The following ZNF516 variants were observed in gnomAD, a reference collection of about 807,000 sequenced individuals.
The protein encoded by ZNF516 is zinc finger protein 516.
A neutral mutation model predicts 79.7 loss-of-function variants in ZNF516; 19 were observed. That is an observed-to-expected ratio of 0.24 (90% CI 0.17 to 0.35). ZNF516 has a LOEUF of 0.35. Ranked by LOEUF, ZNF516 falls within the 10% of genes least tolerant of loss-of-function variation. The pLI, the probability that ZNF516 is intolerant of heterozygous loss-of-function variation, is 1.00. For missense variants in ZNF516, 1,678 were observed against 1,679.5 expected (o/e 1.00, Z 0.02); for synonymous variants, 877 against 739.5 (o/e 1.19, Z -3.02).
chr18:76,417,084 A>G (rs957076592), intron 3 of ZNF516, among the ~76,000 whole-genome samples: 2 of 152,234 alleles, frequency 1.3e-5, no homozygotes, highest in Non-Finnish European at 2.9e-5. Context: ...GCTTGCAACC[A>G]TTTGATGGTT....
At chr18:76,457,076 C>T (rs899080111) in intron 2 of ZNF516, among the ~76,000 whole-genome samples, 1 of 152,208 alleles carries the variant, frequency 6.6e-6, no homozygotes, top group Admixed American at 6.5e-5. Context: ...GGTTATGCAG[C>T]CTGCCAGTAA....
At chr18:76,427,320 A>T (rs563681557) in intron 3 of ZNF516, among the ~76,000 whole-genome samples, 33 of 152,352 alleles carry the variant, frequency 2.2e-4, no homozygotes, top group African/African-American at 7.7e-4. Context: ...CTGGAGGTTT[A>T]TATGAAATAC....
At chr18:76,420,176 C>T (rs780861246) in intron 3 of ZNF516, among the ~76,000 whole-genome samples, 4 of 152,212 alleles carry the variant, frequency 2.6e-5, no homozygotes, top group African/African-American at 4.8e-5. Flanking sequence ...AGCTTAAGAT[C>T]TAAGTCAGCT....
At position 76,379,511 on chromosome 18, in the gene ZNF516, T is replaced by C. The variant is rs959594851; in HGVS notation, c.2603A>G (p.Glu868Gly). 6.2e-7 allele frequency: 1 copy of C among 1,613,758 alleles called. No homozygotes were observed. The highest frequency in any genetic ancestry group is 8.5e-7 in the Non-Finnish European group (1 of 1,179,884). ...AGCGCAGGGACCTCCGGAATGGCTC[T>C]CCTTATTCTTAGGCATGCTAGCGGC... ...TKAASMPKNK[E>G]SHSGGPCALW... The change falls in exon 4 of 7, where the codon GAG becomes GGG. Residue 868 changes from glutamate (E) to glycine (G), a missense_variant. This residue lies in a region of ZNF516 where 1,294 missense variants were observed against 1,248.3 expected (regional missense o/e 1.04). Coordinates refer to ENST00000443185, the MANE Select transcript of ZNF516 (RefSeq NM_014643.4).
intron 3 of ZNF516, among the ~76,000 whole-genome samples, chr18:76,414,120 T>C (rs2075404618): frequency 6.6e-6 from 1 of 152,244 alleles, no homozygotes; most frequent in South Asian, 2.1e-4. Context: ...GACTAACATG[T>C]ACATATATAG....
chr18:76,367,954 C>T (rs2074642742), intron 6 of ZNF516, among the ~76,000 whole-genome samples: 2 of 152,082 alleles, frequency 1.3e-5, no homozygotes, highest in Non-Finnish European at 2.9e-5. Context: ...CATGAATACA[C>T]GGTGTTGCAT....
intron 1 of ZNF516, chr18:76,491,120 G>T (rs1915160312): frequency 3.1e-6 from 3 of 981,052 alleles, no homozygotes; most frequent in Non-Finnish European, 2.4e-6. Context: ...CCCCACCTCC[G>T]CCAGAACAAA....
At chr18:76,490,844 G>A (rs1331337163) in intron 1 of ZNF516, 4 of 985,498 alleles carry the variant, frequency 4.1e-6, no homozygotes, top group Non-Finnish European at 4.8e-6. Context: ...TTACGCAGGG[G>A]ACACCCCTGG....
At chr18:76,405,741 G>C (rs113112509) in intron 3 of ZNF516, among the ~76,000 whole-genome samples, 1 of 151,940 alleles carries the variant, frequency 6.6e-6, no homozygotes, top group Non-Finnish European at 1.5e-5. Flanking sequence ...GCTGACACAC[G>C]CGTGATGAAT....
chr18:76,440,742 T>TTGTGTGTGTGTG (rs138856557), intron 3 of ZNF516, among the ~76,000 whole-genome samples: 45 of 150,050 alleles, frequency 3.0e-4, no homozygotes, highest in African/African-American at 1.1e-3. Flanking sequence ...GTGTGTGTGT[T>TTGTGTGTGTGTG]TGTGTGTGTG....
intron 3 of ZNF516, among the ~76,000 whole-genome samples, chr18:76,384,624 G>T (rs1411765186): frequency 6.8e-6 from 1 of 147,754 alleles, no homozygotes; most frequent in Admixed American, 6.7e-5. Flanking sequence ...CTACAGTTGG[G>T]ACCTGGCGTA....
chr18:76,492,812 A>G (rs1418106923), intron 1 of ZNF516: 3 of 985,982 alleles, frequency 3.0e-6, no homozygotes, highest in Middle Eastern at 5.1e-4. Flanking sequence ...GAACGTTCGG[A>G]GGGGGAGGCG....
At chr18:76,416,278 C>T (rs559548791) in intron 3 of ZNF516, among the ~76,000 whole-genome samples, 3 of 152,326 alleles carry the variant, frequency 2.0e-5, no homozygotes, top group South Asian at 4.1e-4. Context: ...CTTTTCGTAT[C>T]GCACACCAGG....
chr18:76,458,598 C>A lies in ZNF516; in HGVS notation c.-158+4430G>T, dbSNP rs189708832. Among the ~76,000 whole-genome samples, 248 of 152,280 alleles carry A rather than the reference C, an allele frequency of 1.6e-3. 2 individuals carry two copies. The highest frequency in any genetic ancestry group is 3.0e-3 in the Non-Finnish European group (205 of 68,012). ...CTCGGGACCCTCAGGACGGGGCATG[C>A]ACTGTGGGCAACGCCAGGCCTCACC... On this transcript the variant is annotated intron_variant, in intron 2 of 6. Coordinates refer to ENST00000443185, the MANE Select transcript of ZNF516 (RefSeq NM_014643.4).
intron 3 of ZNF516, among the ~76,000 whole-genome samples, chr18:76,438,875 G>C (rs1158067195): frequency 6.6e-6 from 1 of 152,176 alleles, no homozygotes; most frequent in Non-Finnish European, 1.5e-5. Context: ...CAGGCAGGCT[G>C]GCTGCTGCTT....
chr18:76,379,380 C>T lies in ZNF516; in HGVS notation c.2734G>A (p.Ala912Thr). ...GGGGCAGGCACCGGTTTGGAGCTAGCCTCCTGCCTGGGCTTGGCCAGGGGC... is the reference window on the plus strand; with the variant it reads ...GGGGCAGGCACCGGTTTGGAGCTAGTCTCCTGCCTGGGCTTGGCCAGGGGC... ...QGPLAKPRQE[A>T]SSKPVPAPGG... The change falls in exon 4 of 7, where the codon GCT (alanine) becomes ACT (threonine). Residue 912 changes from alanine to threonine, a missense_variant. By Grantham distance (58) the Ala-to-Thr change is moderately conservative. This residue lies in a region of ZNF516 where 1,294 missense variants were observed against 1,248.3 expected (regional missense o/e 1.04). Coordinates refer to ENST00000443185, the MANE Select transcript of ZNF516 (RefSeq NM_014643.4). The T allele has an allele frequency of 6.3e-7, 1 of 1,599,072 alleles. No individual in the cohort carries two copies. Among genetic ancestry groups the T allele is most frequent in the Middle Eastern group, 1.7e-4 (1 of 5,986 alleles).
chr18:76,470,137 A>G (rs1299921121), intron 1 of ZNF516, among the ~76,000 whole-genome samples: 1 of 152,180 alleles, frequency 6.6e-6, no homozygotes, highest in Non-Finnish European at 1.5e-5. Context: ...TAGATGAGAG[A>G]GCCAGTTTTC....
chr18:76,382,877 C>A (rs900954983), intron 3 of ZNF516, among the ~76,000 whole-genome samples: 5 of 152,068 alleles, frequency 3.3e-5, no homozygotes, highest in Admixed American at 3.3e-4. Flanking sequence ...AAAACCTCGT[C>A]TCTACTAAAA....
At chr18:76,402,019 A>G (rs1329134703) in intron 3 of ZNF516, among the ~76,000 whole-genome samples, 1 of 151,960 alleles carries the variant, frequency 6.6e-6, no homozygotes, top group Non-Finnish European at 1.5e-5. Flanking sequence ...GTTTGTGTGT[A>G]CACGTGCGCG....
Sources: allele counts gnomAD v4.1 joint callset (sites outside exome capture counted in the v4.1 genomes callset), GRCh38; gene constraint gnomAD v4.1.1; regional missense constraint gnomAD v4.1.1; transcripts MANE v1.5; gene names NCBI Gene and HGNC (gene_info 2026-07-23, HGNC 2026-07-21).